The following EPHA6 variants were observed in gnomAD, a reference collection of about 807,000 sequenced individuals.
The protein encoded by EPHA6 is ephrin type-A receptor 6.
EPHA6 carries 50 observed loss-of-function variants against 112.0 expected under a neutral mutation model. The ratio of observed to expected loss-of-function variants is 0.45; its 90% CI spans 0.36 to 0.56. The LOEUF is 0.56. Among genes scored for constraint, EPHA6 ranks in the 20% least tolerant of loss-of-function variants. The pLI, the probability that EPHA6 is intolerant of heterozygous loss-of-function variation, is 0.00. For synonymous variants in EPHA6, 529 were observed against 490.7 expected (o/e 1.08, Z -1.03); for missense variants, 1,280 against 1,417.4 (o/e 0.90, Z 1.56).
chr3:97,653,200 ACAAT>A (rs1220410955), intron 14 of EPHA6, among the ~76,000 whole-genome samples: 3 of 152,040 alleles, frequency 2.0e-5, no homozygotes, highest in Non-Finnish European at 4.4e-5. Context: ...AACAAAGGAA[ACAAT>A]CAACAAAATG....
Position 96,979,285 on chromosome 3 carries a change from G to A in EPHA6, c.451-8045G>A, listed in dbSNP as rs546674437. 2.1e-5 allele frequency among the ~76,000 whole-genome samples: 3 copies of A among 146,336 alleles called. No homozygotes were observed. The Admixed American group carries it at 2.2e-4, about 11-fold the overall frequency. ...ATCATTGTTCAATTCCCACCTATGA[G>A]TGAGAACATGCGGTGTTTGGTTTTT... On this transcript the variant is annotated intron_variant, in intron 2 of 17. Transcript: ENST00000389672.
intron 5 of EPHA6, among the ~76,000 whole-genome samples, chr3:97,323,163 TATATGTTTC>T (rs1164592609): frequency 7.9e-5 from 12 of 151,968 alleles, no homozygotes; most frequent in African/African-American, 2.4e-4. Context: ...TCTGACAAGA[TATATGTTTC>T]ATATGTTTCA....
Position 97,753,101 on chromosome 3 carries a change from C to A in EPHA6, c.*4400C>A, listed in dbSNP as rs536554158. On this transcript the variant is annotated 3_prime_UTR_variant, in exon 18 of 18. Transcript: ENST00000389672. ...CCTAACTTTTGGTTTTTATAAGCAA[C>A]ATTTTCAACAATTTTTCAATCTTTA... 9.3e-4 allele frequency among the ~76,000 whole-genome samples: 142 copies of A among 152,206 alleles called. No individual in the cohort carries two copies. The highest frequency in any genetic ancestry group is 3.2e-3 in the African/African-American group (133 of 41,554).
intron 3 of EPHA6, among the ~76,000 whole-genome samples, chr3:97,176,862 T>C (rs1474898949): frequency 1.3e-5 from 2 of 151,628 alleles, no homozygotes; most frequent in East Asian, 3.9e-4. Context: ...TGATCTTTTG[T>C]ATTTTTTTTT....
chr3:96,913,256 G>A (rs1008418762), intron 2 of EPHA6, among the ~76,000 whole-genome samples: 1 of 149,888 alleles, frequency 6.7e-6, no homozygotes, highest in Admixed American at 6.7e-5. Flanking sequence ...GTCCTAACTA[G>A]CTACTCAAGA....
chr3:97,061,998 A>G (rs1471962916), intron 3 of EPHA6, among the ~76,000 whole-genome samples: 1 of 152,222 alleles, frequency 6.6e-6, no homozygotes, highest in Non-Finnish European at 1.5e-5. Context: ...GTTCAGCCTT[A>G]GTCCTTGGGG....
chr3:97,100,268 G>C (rs1315013483), intron 3 of EPHA6, among the ~76,000 whole-genome samples: 2 of 149,464 alleles, frequency 1.3e-5, no homozygotes, highest in Non-Finnish European at 3.0e-5. Context: ...TATATATATA[G>C]ATATATGGAG....
At chr3:96,853,998 ATACT>A (rs1308750295) in intron 1 of EPHA6, among the ~76,000 whole-genome samples, 2 of 151,980 alleles carry the variant, frequency 1.3e-5, no homozygotes, top group African/African-American at 4.8e-5. Context: ...CAGAGCCAGA[ATACT>A]TAAAGTATTC....
intron 3 of EPHA6, among the ~76,000 whole-genome samples, chr3:97,173,600 T>C (rs146369795): frequency 1.3e-5 from 2 of 151,888 alleles, no homozygotes; most frequent in East Asian, 3.9e-4. Flanking sequence ...AAGTTTCCTG[T>C]TGTACTTACC....
intron 2 of EPHA6, among the ~76,000 whole-genome samples, chr3:96,934,848 A>G (rs1250680980): frequency 6.6e-6 from 1 of 151,742 alleles, no homozygotes; most frequent in African/African-American, 2.4e-5. Flanking sequence ...TAGAGGTTAG[A>G]AAAAACATCC....
chr3:96,895,691 G>T (rs2038231834), intron 2 of EPHA6, among the ~76,000 whole-genome samples: 2 of 151,946 alleles, frequency 1.3e-5, no homozygotes, highest in Non-Finnish European at 2.9e-5. Flanking sequence ...TCTATGTTTA[G>T]GCACAAAAAT....
At chr3:97,037,372 GT>G (rs1647031299) in intron 3 of EPHA6, among the ~76,000 whole-genome samples, 1 of 152,022 alleles carries the variant, frequency 6.6e-6, no homozygotes, top group Non-Finnish European at 1.5e-5. Context: ...GTAGATGGCG[GT>G]TTGACTGAAA....
intron 5 of EPHA6, among the ~76,000 whole-genome samples, chr3:97,295,326 A>G (rs1034794508): frequency 2.7e-5 from 4 of 148,990 alleles, no homozygotes; most frequent in Non-Finnish European, 4.4e-5. Flanking sequence ...TTCAGTTCTG[A>G]AATTCTTTCT....
intron 7 of EPHA6, among the ~76,000 whole-genome samples, chr3:97,461,535 T>A (rs957270209): frequency 5.3e-5 from 8 of 152,196 alleles, no homozygotes; most frequent in African/African-American, 1.7e-4. Flanking sequence ...TGATTATTAA[T>A]ACTGATATTA....
intron 3 of EPHA6, among the ~76,000 whole-genome samples, chr3:97,221,302 C>T (rs34034889): frequency 1.1e-5 from 1 of 90,986 alleles, no homozygotes; most frequent in Non-Finnish European, 1.9e-5. Flanking sequence ...GAGCAAGACT[C>T]TGTCTCAAAA....
At chr3:97,570,108 G>A (rs1166396405) in intron 11 of EPHA6, among the ~76,000 whole-genome samples, 1 of 152,064 alleles carries the variant, frequency 6.6e-6, no homozygotes, top group East Asian at 1.9e-4. Flanking sequence ...CTACCCAGCT[G>A]CCACCAGAGA....
At chr3:97,733,832 G>T (rs2035141744) in intron 15 of EPHA6, among the ~76,000 whole-genome samples, 1 of 152,008 alleles carries the variant, frequency 6.6e-6, no homozygotes, top group Non-Finnish European at 1.5e-5. Context: ...AGTCCAAATA[G>T]CAGATGCCAT....
At chr3:97,377,433 C>T (rs80277985) in intron 5 of EPHA6, among the ~76,000 whole-genome samples, 2,683 of 152,132 alleles carry the variant, frequency 0.018, 76 homozygotes, top group African/African-American at 0.056. Flanking sequence ...AGCATGAAAA[C>T]ACCAGACTAA....
chr3:97,716,008 T>G (rs1417030036), intron 14 of EPHA6, among the ~76,000 whole-genome samples: 1 of 152,240 alleles, frequency 6.6e-6, no homozygotes, highest in Non-Finnish European at 1.5e-5. Context: ...TTACATTCAG[T>G]CACTTTGATT....
Sources: allele counts gnomAD v4.1 joint callset (sites outside exome capture counted in the v4.1 genomes callset), GRCh38; gene constraint gnomAD v4.1.1; transcripts MANE v1.5; gene names NCBI Gene and HGNC (gene_info 2026-07-23, HGNC 2026-07-21).